The following ZDHHC7 variants were observed in gnomAD, a reference collection of about 807,000 sequenced individuals.
ZDHHC7 encodes zDHHC palmitoyltransferase 7.
In ZDHHC7, 12 loss-of-function variants were observed where a neutral mutation model predicts 34.1. The ratio of observed to expected loss-of-function variants is 0.35; its 90% CI spans 0.23 to 0.57. The LOEUF is 0.57. ZDHHC7 is among the 20% of genes least tolerant of loss of function. ZDHHC7 has a pLI of 0.84. For synonymous variants in ZDHHC7, 185 were observed against 155.4 expected (o/e 1.19, Z -1.42); for missense variants, 388 against 402.7 (o/e 0.96, Z 0.31).
rs768463338 is a variant in ZDHHC7 at position 84,990,491 on chromosome 16, C to G, written c.128G>C (p.Arg43Pro). Residue 43 changes from arginine to proline, a missense_variant, in exon 3 of 8, where the codon CGT (arginine) becomes CCT (proline). By Grantham distance (103) the Arg-to-Pro change is moderately radical. Transcript: ENST00000313732. ...AGCACAGATCATGCCGCAGCCGTCA[C>G]GGATGAACCAGACCCGGTCAGCCAC... ...ADVADRVWFI[R>P]DGCGMICAVM... The G allele has an allele frequency of 1.2e-5, 19 of 1,614,030 alleles. No individual in the cohort carries two copies. Among genetic ancestry groups the G allele is most frequent in the Non-Finnish European group, 1.4e-5 (16 of 1,180,032 alleles).
chr16:85,017,704 A>G, the ZDHHC7 span, among the ~76,000 whole-genome samples: 1 of 152,140 alleles, frequency 6.6e-6, no homozygotes, highest in South Asian at 2.1e-4. Context: ...ATCCCCAAAC[A>G]CCAATGGGAC....
In ZDHHC7 at chr16:84,978,013, G is replaced by A. The variant is rs183778563; in HGVS notation, c.538-8C>T. On this transcript the variant is annotated splice_region_variant and splice_polypyrimidine_tract_variant and intron_variant, in intron 5 of 7. Transcript: ENST00000313732. ...AGACAGAGCTATATACATCTAGAAT[G>A]AGGGGGAGATTGGTTAGTCACTTTT... The A allele has an allele frequency of 1.7e-4, 279 of 1,598,948 alleles. No homozygotes were observed. In the East Asian group the frequency reaches 6.0e-3, roughly 34 times the overall value.
At chr16:85,015,716 A>G (rs895618096), upstream of ZDHHC7, among the ~76,000 whole-genome samples, 1 of 151,976 alleles carries the variant, frequency 6.6e-6, no homozygotes, top group Non-Finnish European at 1.5e-5. Context: ...GTGGTGGCGT[A>G]TCCCTGTAGT....
chr16:84,986,546 G>C (rs2072439566), intron 3 of ZDHHC7, among the ~76,000 whole-genome samples: 1 of 152,186 alleles, frequency 6.6e-6, no homozygotes, highest in Non-Finnish European at 1.5e-5. Flanking sequence ...GCAGGGCCCA[G>C]GGCCGTGGGT....
chr16:85,006,520 C>G (rs1317970555), intron 1 of ZDHHC7, among the ~76,000 whole-genome samples: 1 of 151,718 alleles, frequency 6.6e-6, no homozygotes, highest in African/African-American at 2.4e-5. Flanking sequence ...TCAAGACCAG[C>G]CTGAGCAACA....
At chr16:85,005,598 G>C (rs1471927030) in intron 1 of ZDHHC7, among the ~76,000 whole-genome samples, 1 of 152,146 alleles carries the variant, frequency 6.6e-6, no homozygotes, top group African/African-American at 2.4e-5. Flanking sequence ...AAATACACTG[G>C]CTTCCAGAGC....
chr16:85,019,089 G>C, the ZDHHC7 span, among the ~76,000 whole-genome samples: 1 of 152,214 alleles, frequency 6.6e-6, no homozygotes, highest in African/African-American at 2.4e-5. Context: ...GCGTGACCAA[G>C]GTCGTCCATG....
intron 1 of ZDHHC7, among the ~76,000 whole-genome samples, chr16:84,998,298 G>C (rs1279596974): frequency 6.6e-6 from 1 of 151,898 alleles, no homozygotes; most frequent in Non-Finnish European, 1.5e-5. Context: ...CGGGTCAGGA[G>C]GTCCACCTTC....
the ZDHHC7 span, among the ~76,000 whole-genome samples, chr16:85,021,488 C>T: frequency 6.7e-6 from 1 of 149,074 alleles, no homozygotes; most frequent in African/African-American, 2.5e-5. Flanking sequence ...GCAGGTGGAT[C>T]AACTGCGGCC....
At chr16:85,004,209 G>T (rs1267452056) in intron 1 of ZDHHC7, among the ~76,000 whole-genome samples, 1 of 150,748 alleles carries the variant, frequency 6.6e-6, no homozygotes, top group Non-Finnish European at 1.5e-5. Context: ...AAAAGGCCCC[G>T]CCCTTCATGT....
chr16:85,008,131 A>C lies in ZDHHC7; in HGVS notation c.-104+3155T>G, dbSNP rs184304427. 1.1e-4 allele frequency among the ~76,000 whole-genome samples: 17 copies of C among 152,122 alleles called. 1 individual carries two copies. Among genetic ancestry groups the C allele is most frequent in the Admixed American group, 1.1e-3 (17 of 15,298 alleles). On this transcript the variant is annotated intron_variant, in intron 1 of 7. Transcript: ENST00000313732. ...ACCCTCTCAAAGCAAACAAACAAAA[A>C]ACAATTTAACCTTATTTAATCTTAC...
chr16:85,008,509 C>A (rs899522814), intron 1 of ZDHHC7, among the ~76,000 whole-genome samples: 14 of 144,904 alleles, frequency 9.7e-5, no homozygotes, highest in Middle Eastern at 3.4e-3. Flanking sequence ...TACACCCCCC[C>A]CCAAAAAAAA....
chr16:84,983,444 T>C (rs1291386191), intron 3 of ZDHHC7, among the ~76,000 whole-genome samples: 1 of 152,120 alleles, frequency 6.6e-6, no homozygotes, highest in East Asian at 1.9e-4. Flanking sequence ...CAGAGACTGC[T>C]GCCCGCTGGA....
Position 85,005,878 on chromosome 16 carries a change from C to G in ZDHHC7, c.-104+5408G>C, listed in dbSNP as rs2072711047. Among the ~76,000 whole-genome samples the G allele has an allele frequency of 2.0e-5, 3 of 152,152 alleles. No homozygotes were observed. The South Asian group carries it at 6.2e-4, about 32-fold the overall frequency. ...CAGGATTGATTCACCACCTTTTAGCCTCTGGACACAAAATTCCTCCATTCC... is the reference window on the plus strand; with the variant it reads ...CAGGATTGATTCACCACCTTTTAGCGTCTGGACACAAAATTCCTCCATTCC... On this transcript the variant is annotated intron_variant, in intron 1 of 7. Coordinates refer to ENST00000313732, the MANE Select transcript of ZDHHC7 (RefSeq NM_017740.3).
the ZDHHC7 span, among the ~76,000 whole-genome samples, chr16:85,019,304 C>A: frequency 1.7e-4 from 26 of 150,438 alleles, 1 homozygote; most frequent in South Asian, 1.1e-3. Flanking sequence ...TCACAAAAGG[C>A]AGGGGGTTTT....
At chr16:85,018,070 G>C in the ZDHHC7 span, among the ~76,000 whole-genome samples, 68,652 of 151,716 alleles carry the variant, frequency 0.45, 17,180 homozygotes, top group African/African-American at 0.66. Context: ...GAGAAACCTG[G>C]TCACATCCAG....
chr16:84,976,311 T>C lies in ZDHHC7; in HGVS notation c.*32A>G. ...GACCCCAAATAAATAACTGGAAGTCTGTGAGCAAGTTTCAGTCTGATGAGC... is the reference window on the plus strand; with the variant it reads ...GACCCCAAATAAATAACTGGAAGTCCGTGAGCAAGTTTCAGTCTGATGAGC... On this transcript the variant is annotated 3_prime_UTR_variant, in exon 8 of 8. Coordinates refer to ENST00000313732, the MANE Select transcript of ZDHHC7 (RefSeq NM_017740.3). 1.2e-6 allele frequency: 2 copies of C among 1,609,030 alleles called. No homozygotes were observed. The highest frequency in any genetic ancestry group is 1.7e-6 in the Non-Finnish European group (2 of 1,178,936).
intron 6 of ZDHHC7, 70 bp from the exon 7 acceptor site, chr16:84,977,295 A>G: frequency 6.3e-7 from 1 of 1,585,948 alleles, no homozygotes; most frequent in East Asian, 2.2e-5. Context: ...TGGCTCAGAG[A>G]AGAATCCTCT....
At chr16:84,987,858 G>A (rs1483678884) in intron 3 of ZDHHC7, among the ~76,000 whole-genome samples, 2 of 152,212 alleles carry the variant, frequency 1.3e-5, no homozygotes, top group Admixed American at 1.3e-4. Flanking sequence ...CCACAGACGA[G>A]ATGACTATGA....
Sources: gnomAD v4.1 joint callset for allele counts (sites outside exome capture counted in the v4.1 genomes callset) on GRCh38, gnomAD v4.1.1 for gene constraint, MANE v1.5 for transcripts, NCBI Gene and HGNC (gene_info 2026-07-23, HGNC 2026-07-21) for gene names.